Variants in PALS1 observed in about 807,000 individuals in gnomAD.
The protein encoded by PALS1 is protein associated with LIN7 1, MAGUK p55 family member, also known as protein PALS1.
In PALS1, 31 loss-of-function variants were observed where a neutral mutation model predicts 78.9. That is an observed-to-expected ratio of 0.39 (90% CI 0.30 to 0.53). The LOEUF (loss-of-function observed/expected upper bound fraction) is 0.53, where lower values mean the gene tolerates loss of function less well. Ranked by LOEUF, PALS1 falls within the 20% of genes least tolerant of loss-of-function variation. The pLI is 0.67. For synonymous variants in PALS1, 276 were observed against 270.9 expected, an observed-to-expected ratio of 1.02 and a Z score of -0.18; for missense variants, 704 against 826.5, an observed-to-expected ratio of 0.85 and a Z score of 1.82.
At chr14:67,264,430 TAAA>T (rs1380501533) in intron 1 of PALS1, among the ~76,000 whole-genome samples, 1 of 151,294 alleles carries the variant, frequency 6.6e-6, no homozygotes, top group Non-Finnish European at 1.5e-5. Context: ...GGGGTCAAAT[TAAA>T]AAAAATCATT....
At chr14:67,261,894 A>G (rs1292423180) in intron 1 of PALS1, among the ~76,000 whole-genome samples, 1 of 152,178 alleles carries the variant, frequency 6.6e-6, no homozygotes, top group East Asian at 1.9e-4. Flanking sequence ...TTTATGAAGC[A>G]GTCAATTGAA....
Position 67,292,701 on chromosome 14 carries a change from ACAAGATCTTGCT to A in PALS1, c.564_575del (p.Asp188_Gln191del), listed in dbSNP as rs2084792472. 2 of 1,613,496 alleles carry A rather than the reference ACAAGATCTTGCT, an allele frequency of 1.2e-6. No individual in the cohort carries two copies. On this transcript the variant is annotated inframe_deletion, in exon 4 of 15. Transcript: ENST00000261681. ...CTCCATTTCCTCTTATCTCCAACGC[ACAAGATCTTGCT>A]CAAGAGGTATGTATTCTAAACATCT...
intron 1 of PALS1, among the ~76,000 whole-genome samples, chr14:67,262,697 C>T (rs2084257684): frequency 6.6e-6 from 1 of 152,036 alleles, no homozygotes; most frequent in Non-Finnish European, 1.5e-5. Flanking sequence ...ACTCAGAAAC[C>T]TTTAGTCTCC....
intron 1 of PALS1, among the ~76,000 whole-genome samples, chr14:67,263,292 G>A (rs1380616073): frequency 2.0e-5 from 3 of 152,052 alleles, no homozygotes; most frequent in Admixed American, 1.3e-4. Context: ...TATATTGCAG[G>A]GTAAACAGGG....
At chr14:67,308,061 C>T (rs1268044904) in intron 8 of PALS1, among the ~76,000 whole-genome samples, 2 of 152,010 alleles carry the variant, frequency 1.3e-5, no homozygotes, top group Non-Finnish European at 2.9e-5. Context: ...GGGAACAACA[C>T]ACACTAGGGT....
chr14:67,303,435 GT>G, intron 7 of PALS1, 86 bp from the exon 8 acceptor site: 2 of 1,050,982 alleles, frequency 1.9e-6, no homozygotes, highest in South Asian at 2.6e-5. Context: ...TTCTGAAATA[GT>G]CCAGTTTAGG....
In PALS1 at chr14:67,302,390, A is replaced by T. The variant is rs181010398; in HGVS notation, c.802-20A>T. 3.1e-4 allele frequency: 443 copies of T among 1,414,408 alleles called. 2 individuals carry two copies. In the African/African-American group the frequency reaches 6.2e-3, roughly 20 times the overall value. The allele number at this position is 1,414,408 out of a possible 1,614,324, so 87.6% of individuals were successfully genotyped here. On this transcript the variant is annotated intron_variant, in intron 6 of 14. Coordinates refer to ENST00000261681, the MANE Select transcript of PALS1 (RefSeq NM_022474.4). ...ATTGTATTATTTTTATTTTTAAATT[A>T]TACATATATATATTTTTAGGGTGCT...
At chr14:67,259,520 G>T (rs1177993225) in intron 1 of PALS1, among the ~76,000 whole-genome samples, 2 of 152,112 alleles carry the variant, frequency 1.3e-5, no homozygotes, top group African/African-American at 2.4e-5. Flanking sequence ...GCTGAGGCAG[G>T]AGAATTGCGT....
chr14:67,317,785 C>T (rs769252178), intron 11 of PALS1, among the ~76,000 whole-genome samples: 1 of 152,156 alleles, frequency 6.6e-6, no homozygotes, highest in Non-Finnish European at 1.5e-5. Flanking sequence ...AAAACTATGT[C>T]CTCTACAATA....
chr14:67,303,681 C>A, intron 8 of PALS1, 82 bp downstream of exon 8: 3 of 949,228 alleles, frequency 3.2e-6, no homozygotes, highest in Non-Finnish European at 3.4e-6. Context: ...ACAGAAATGT[C>A]ACTGTTTCCT....
At chr14:67,298,532 C>G (rs142231140) in intron 4 of PALS1, among the ~76,000 whole-genome samples, 2 of 150,426 alleles carry the variant, frequency 1.3e-5, no homozygotes, top group African/African-American at 4.9e-5. Flanking sequence ...AAAAAAAATA[C>G]TATTATAAAA....
intron 14 of PALS1, among the ~76,000 whole-genome samples, chr14:67,327,720 A>G (rs2085380721): frequency 6.6e-6 from 1 of 151,524 alleles, no homozygotes; most frequent in Non-Finnish European, 1.5e-5. Context: ...GTTCCCACTT[A>G]TGAGTGAGAA....
rs148175696 is a variant in PALS1 at position 67,302,490 on chromosome 14, G to A, written c.882G>A (p.Leu294=). Residue 294 remains leucine, a synonymous_variant, in exon 7 of 15, where the codon CTG becomes CTA. Coordinates refer to ENST00000261681, the MANE Select transcript of PALS1 (RefSeq NM_022474.4). ...VKGGAAEKSG[L]LHEGDEVLEI... ...GGGGTGCTGCAGAGAAAAGTGGTCT[G>A]TTGCATGAAGGAGATGAAGTTCTAG... 5.0e-6 allele frequency: 8 copies of A among 1,599,010 alleles called. No homozygotes were observed. The African/African-American group carries it at 9.4e-5, about 19-fold the overall frequency.
At position 67,323,691 on chromosome 14, in the gene PALS1, T is replaced by C; in HGVS notation, c.1741-11T>C. ...GCAAATTATTTTAAAAATCAAAATG[T>C]CTCTTTACAGTCATTGAAGACTCTC... On this transcript the variant is annotated splice_polypyrimidine_tract_variant and intron_variant, in intron 13 of 14. Coordinates refer to ENST00000261681, the MANE Select transcript of PALS1 (RefSeq NM_022474.4). 7.7e-7 allele frequency: 1 copy of C among 1,298,680 alleles called. No individual in the cohort carries two copies. Among genetic ancestry groups the C allele is most frequent in the Non-Finnish European group, 1.1e-6 (1 of 933,444 alleles). 80.4% of individuals were successfully genotyped at this position (1,298,680 alleles called of 1,614,324 possible). A position where few individuals can be genotyped will look rare whatever the true frequency, so the allele number is the denominator to read the frequency against.
At chr14:67,256,240 T>C (rs1474335693) in intron 1 of PALS1, among the ~76,000 whole-genome samples, 1 of 151,936 alleles carries the variant, frequency 6.6e-6, no homozygotes, top group Non-Finnish European at 1.5e-5. Flanking sequence ...TTAATAACTT[T>C]ATAAACATCT....
rs569523033 is a variant in PALS1, at chr14:67,333,376, A to C, written c.*420A>C. On this transcript the variant is annotated 3_prime_UTR_variant, in exon 15 of 15. Coordinates refer to ENST00000261681, the MANE Select transcript of PALS1 (RefSeq NM_022474.4). ...TTAACACTTAAATGACTTCATTGGG[A>C]ATATTGAGCAGAGGGACTGTGCTTC... 1 of 154,332 alleles carries C rather than the reference A, an allele frequency of 6.5e-6. No individual in the cohort carries two copies. Among genetic ancestry groups the C allele is most frequent in the South Asian group, 2.1e-4 (1 of 4,876 alleles). The allele number at this position is 154,332 out of a possible 1,614,324, so 9.6% of individuals were successfully genotyped here.
intron 2 of PALS1, among the ~76,000 whole-genome samples, chr14:67,275,091 C>T (rs1423837179): frequency 1.3e-5 from 2 of 152,180 alleles, no homozygotes; most frequent in African/African-American, 2.4e-5. Context: ...TTCCTCTTTT[C>T]CTAATTGAAT....
intron 4 of PALS1, among the ~76,000 whole-genome samples, chr14:67,293,661 T>C (rs1012999762): frequency 2.0e-5 from 3 of 152,200 alleles, no homozygotes; most frequent in African/African-American, 7.2e-5. Context: ...TATTCACACA[T>C]GTAGGCAATT....
chr14:67,301,409 A>C lies in PALS1; in HGVS notation c.597A>C (p.Pro199=). 2 of 1,610,202 alleles carry C rather than the reference A, an allele frequency of 1.2e-6. No individual in the cohort carries two copies. Among genetic ancestry groups the C allele is most frequent in the Non-Finnish European group, 1.7e-6 (2 of 1,177,712 alleles). The part of the protein sequence containing the change: ...LAQEVQTVLK[P]VHHKEGQELT... ...CTTAGGTACAAACTGTTTTGAAGCCAGTTCATCATAAGGAAGGACAAGAAC... is the reference window on the plus strand; with the variant it reads ...CTTAGGTACAAACTGTTTTGAAGCCCGTTCATCATAAGGAAGGACAAGAAC... Residue 199 remains proline (P), a synonymous_variant, in exon 5 of 15, where the codon CCA becomes CCC. Coordinates refer to ENST00000261681, the MANE Select transcript of PALS1 (RefSeq NM_022474.4).
Sources: gnomAD v4.1 joint callset for allele counts (sites outside exome capture counted in the v4.1 genomes callset) on GRCh38, gnomAD v4.1.1 for gene constraint, MANE v1.5 for transcripts, NCBI Gene and HGNC (gene_info 2026-07-23, HGNC 2026-07-21) for gene names.